The following ECT2 variants were observed in gnomAD, a reference collection of about 807,000 sequenced individuals.
ECT2 encodes the protein epithelial cell transforming 2.
In ECT2, 61 loss-of-function variants were observed where a neutral mutation model predicts 116.9. That is an observed-to-expected ratio of 0.52 (90% CI 0.42 to 0.65). ECT2 has a LOEUF of 0.65. ECT2 is among the 30% of genes least tolerant of loss of function. The pLI is 0.00. For synonymous variants in ECT2, 358 were observed against 346.4 expected (o/e 1.03, Z -0.37); for missense variants, 937 against 1,078.7 (o/e 0.87, Z 1.84).
rs774804913 is a variant in ECT2 at position 172,760,216 on chromosome 3, A to G, written c.637A>G (p.Lys213Glu). 17 of 1,612,346 alleles carry G rather than the reference A, an allele frequency of 1.1e-5. 1 individual carries two copies. The highest frequency in any genetic ancestry group is 1.7e-5 in the Admixed American group (1 of 59,838). The change falls in exon 7 of 25, where the codon AAA becomes GAA. Residue 213 changes from lysine (K) to glutamate (E), a missense_variant. Transcript: ENST00000392692. The part of the protein sequence containing the change: ...GGVIRKDFNS[K>E]VTHLVANCTQ... ...AGTTATTCGAAAAGACTTTAATTCA[A>G]AAGTTACACATTTGGTGGCAAATTG...
At chr3:172,758,695 A>T (rs957542432) in intron 5 of ECT2, among the ~76,000 whole-genome samples, 2 of 152,192 alleles carry the variant, frequency 1.3e-5, no homozygotes, top group Admixed American at 6.5e-5. Context: ...TCAGTACTTC[A>T]TGTCTGTCAG....
chr3:172,766,975 T>C (rs1719523327), intron 12 of ECT2, among the ~76,000 whole-genome samples: 1 of 152,190 alleles, frequency 6.6e-6, no homozygotes, highest in Admixed American at 6.5e-5. Flanking sequence ...GTAAAATAGA[T>C]TCCCCAGTTT....
chr3:172,789,580 AGCAT>A (rs979637953), intron 18 of ECT2, among the ~76,000 whole-genome samples: 2 of 152,220 alleles, frequency 1.3e-5, no homozygotes, highest in Non-Finnish European at 2.9e-5. Context: ...ATTTCTCTGT[AGCAT>A]GCGATGCTGT....
chr3:172,809,939 A>G, intron 22 of ECT2, among the ~76,000 whole-genome samples: 1 of 152,192 alleles, frequency 6.6e-6, no homozygotes, highest in Non-Finnish European at 1.5e-5. Flanking sequence ...CATGGATGTC[A>G]TGTCCCATAT....
intron 18 of ECT2, among the ~76,000 whole-genome samples, chr3:172,798,389 C>G (rs1267529590): frequency 6.6e-6 from 1 of 152,056 alleles, no homozygotes; most frequent in Non-Finnish European, 1.5e-5. Context: ...AAAACATAAT[C>G]ATGAAAATGA....
At chr3:172,756,705 ATAAG>A (rs1201533736) in intron 4 of ECT2, among the ~76,000 whole-genome samples, 1 of 152,302 alleles carries the variant, frequency 6.6e-6, no homozygotes, top group Admixed American at 6.5e-5. Context: ...TTTATGACTA[ATAAG>A]TAATAAGTCA....
intron 12 of ECT2, among the ~76,000 whole-genome samples, chr3:172,767,724 A>ATTTTTTTTT: frequency 6.7e-6 from 1 of 148,384 alleles, no homozygotes; most frequent in African/African-American, 2.5e-5. Flanking sequence ...ATGTGTATAG[A>ATTTTTTTTT]TTTTTTTTTT....
intron 2 of ECT2, 41 bp from the exon 3 acceptor site, chr3:172,755,254 T>C: frequency 6.7e-7 from 1 of 1,502,150 alleles, no homozygotes. Flanking sequence ...GATTGTGATG[T>C]TAATACATGA....
chr3:172,806,499 C>T (rs1379748995), intron 21 of ECT2, among the ~76,000 whole-genome samples: 1 of 151,938 alleles, frequency 6.6e-6, no homozygotes, highest in Non-Finnish European at 1.5e-5. Flanking sequence ...ATGTGCATGG[C>T]CATATTTTGG....
chr3:172,757,887 G>T (rs781323931), intron 5 of ECT2, among the ~76,000 whole-genome samples: 1 of 151,478 alleles, frequency 6.6e-6, no homozygotes, highest in Non-Finnish European at 1.5e-5. Context: ...TTAGCTTTTT[G>T]TATTTATTTA....
rs141784303 is a variant in ECT2 at position 172,815,651 on chromosome 3, A to G, written c.2448A>G (p.Thr816=). ...TADPESFEVN[T]KDMDSTLSRA... ...ATCCAGAATCCTTTGAAGTAAATAC[A>G]AAAGATATGGACAGTACATTGAGTA... is the stretch of plus-strand genomic sequence containing the variant. The change falls in exon 23 of 25, where the codon ACA becomes ACG. Residue 816 remains threonine (T), a synonymous_variant. Coordinates refer to ENST00000392692, the MANE Select transcript of ECT2 (RefSeq NM_001258315.2). 2.5e-4 allele frequency: 401 copies of G among 1,603,790 alleles called. No homozygotes were observed. Among genetic ancestry groups the G allele is most frequent in the Non-Finnish European group, 3.1e-4 (362 of 1,176,078 alleles).
intron 20 of ECT2, 67 bp downstream of exon 20, chr3:172,803,047 C>A: frequency 1.4e-6 from 2 of 1,394,340 alleles, no homozygotes; most frequent in South Asian, 1.5e-5. Flanking sequence ...ATATTTAAAA[C>A]CAAGCTTTAA....
At chr3:172,806,857 G>A (rs187569815) in intron 21 of ECT2, among the ~76,000 whole-genome samples, 2 of 151,844 alleles carry the variant, frequency 1.3e-5, no homozygotes, top group Admixed American at 1.3e-4. Context: ...TGGCCGGGCT[G>A]GTCTTGAACT....
In ECT2 at chr3:172,774,526, C is replaced by G. The variant is rs567614181; in HGVS notation, c.1548+504C>G. The stretch of plus-strand genomic sequence containing the variant: ...TTTTTTTCGAGATGGAGAATACTCT[C>G]TCACCCAGGCTAGCGTGCAGTGGCC... On this transcript the variant is annotated intron_variant, in intron 14 of 24. Transcript: ENST00000392692. Among the ~76,000 whole-genome samples, 15 of 151,884 alleles carry G rather than the reference C, an allele frequency of 9.9e-5. No homozygotes were observed. In the East Asian group the frequency reaches 2.7e-3, roughly 27 times the overall value.
At chr3:172,756,370 A>G (rs1275027253) in intron 4 of ECT2, among the ~76,000 whole-genome samples, 1 of 152,110 alleles carries the variant, frequency 6.6e-6, no homozygotes, top group Non-Finnish European at 1.5e-5. Flanking sequence ...TTTTTCGTGG[A>G]TGTATAAAGT....
intron 5 of ECT2, among the ~76,000 whole-genome samples, chr3:172,757,525 C>T (rs1288603034): frequency 6.7e-6 from 1 of 149,974 alleles, no homozygotes; most frequent in Non-Finnish European, 1.5e-5. Context: ...ACGCCATTCT[C>T]CTGCCTCAGC....
chr3:172,791,260 G>C (rs889552817), intron 18 of ECT2, among the ~76,000 whole-genome samples: 6 of 152,174 alleles, frequency 3.9e-5, no homozygotes, highest in Non-Finnish European at 7.3e-5. Flanking sequence ...AAGGGCCCTA[G>C]GATTTTGAGA....
rs896180667 is a variant in ECT2 at position 172,782,178 on chromosome 3, C to G, written c.1564C>G (p.Leu522Val). 5 of 1,576,132 alleles carry G rather than the reference C, an allele frequency of 3.2e-6. No homozygotes were observed. The Admixed American group carries it at 7.1e-5, about 22-fold the overall frequency. ...GCTATTTCAGGATGATCTTGAAGACCTTATAGTTAATTGGGATGAGAGCAA... is the reference window on the plus strand; with the variant it reads ...GCTATTTCAGGATGATCTTGAAGACGTTATAGTTAATTGGGATGAGAGCAA... ...HTKIKDDLED[L>V]IVNWDESKSI... Residue 522 changes from leucine to valine, a missense_variant, in exon 15 of 25, where the codon CTT becomes GTT. Physicochemically the swap from Leu to Val is conservative, Grantham distance 32. Coordinates refer to ENST00000392692, the MANE Select transcript of ECT2 (RefSeq NM_001258315.2).
chr3:172,781,389 A>G (rs1722667996), intron 14 of ECT2, among the ~76,000 whole-genome samples: 1 of 152,214 alleles, frequency 6.6e-6, no homozygotes, highest in African/African-American at 2.4e-5. Context: ...ATGCTTTAGC[A>G]GTATTACAAA....
Sources: gnomAD v4.1 joint callset for allele counts (sites outside exome capture counted in the v4.1 genomes callset) on GRCh38, gnomAD v4.1.1 for gene constraint, MANE v1.5 for transcripts, NCBI Gene and HGNC (gene_info 2026-07-23, HGNC 2026-07-21) for gene names.